The following COL6A6 variants were observed in gnomAD, a reference collection of about 807,000 sequenced individuals.
COL6A6 encodes the protein collagen type VI alpha 6 chain.
COL6A6 carries 183 observed loss-of-function variants against 208.6 expected under a neutral mutation model. That is an observed-to-expected ratio of 0.88 (90% CI 0.78 to 0.99). The LOEUF (loss-of-function observed/expected upper bound fraction) is 0.99, where lower values mean the gene tolerates loss of function less well. Among genes scored for constraint, COL6A6 ranks in the 50% least tolerant of loss-of-function variants. COL6A6 has a pLI of 0.00. For synonymous variants in COL6A6, 973 were observed against 1,011.8 expected (o/e 0.96, Z 0.73); for missense variants, 2,816 against 2,815.2 (o/e 1.00, Z -0.01).
rs768820015 is a variant in COL6A6, at chr3:130,649,298, A to G, written c.5469A>G (p.Gln1823=). 4.0e-5 allele frequency: 65 copies of G among 1,606,242 alleles called. No individual in the cohort carries two copies. The highest frequency in any genetic ancestry group is 5.3e-5 in the Non-Finnish European group (62 of 1,176,510). The change falls in exon 33 of 37, where the codon CAA becomes CAG. Residue 1823 remains glutamine (Q), a synonymous_variant. Coordinates refer to ENST00000358511, the MANE Select transcript of COL6A6 (RefSeq NM_001102608.3). The stretch of plus-strand genomic sequence containing the variant: ...TCTCAGACGCCTACAAGAAGAGTCA[A>G]CTTCTCAGAGAAATTGAAACTATTC... ...VRFSDAYKKS[Q]LLREIETIPY...
At chr3:130,605,055 G>A (rs1210300009) in intron 20 of COL6A6, among the ~76,000 whole-genome samples, 1 of 152,138 alleles carries the variant, frequency 6.6e-6, no homozygotes, top group African/African-American at 2.4e-5. Flanking sequence ...GACACAGATG[G>A]CCTTACTGCT....
At chr3:130,596,929 A>C (rs1287629950) in intron 18 of COL6A6, among the ~76,000 whole-genome samples, 1 of 152,226 alleles carries the variant, frequency 6.6e-6, no homozygotes, top group African/African-American at 2.4e-5. Context: ...TTTAATTGTA[A>C]ATTTGTGGAA....
chr3:130,663,710 A>G (rs1407814152), intron 35 of COL6A6, among the ~76,000 whole-genome samples: 5 of 152,168 alleles, frequency 3.3e-5, no homozygotes, highest in African/African-American at 4.8e-5. Context: ...ATTATTAGAT[A>G]AATGGCACCA....
intron 1 of COL6A6, among the ~76,000 whole-genome samples, chr3:130,548,360 G>A (rs1168504714): frequency 1.3e-5 from 2 of 152,278 alleles, no homozygotes. Flanking sequence ...TTTGGACTAT[G>A]AATTCCACAA....
intron 24 of COL6A6, among the ~76,000 whole-genome samples, chr3:130,625,368 A>G (rs2108289733): frequency 6.6e-6 from 1 of 152,280 alleles, no homozygotes; most frequent in South Asian, 2.1e-4. Flanking sequence ...CTTTCTTCCA[A>G]AGAGTACAGT....
Position 130,560,328 on chromosome 3 carries a change from T to G in COL6A6, c.-31-6T>G. ...CAACAATTTGTTTATATTTTTGCCT[T>G]TTCAGATTTGAAGTTGAAGATTTTT... is the stretch of plus-strand genomic sequence containing the variant. On this transcript the variant is annotated splice_polypyrimidine_tract_variant and splice_region_variant and intron_variant, in intron 1 of 36. Transcript: ENST00000358511. 2 of 1,569,042 alleles carry G rather than the reference T, an allele frequency of 1.3e-6. No homozygotes were observed. Among genetic ancestry groups the G allele is most frequent in the Admixed American group, 3.5e-5 (2 of 56,866 alleles).
Position 130,661,378 on chromosome 3 carries a change from C to T in COL6A6, c.5831-259C>T, listed in dbSNP as rs901842686. Among the ~76,000 whole-genome samples the T allele has an allele frequency of 2.0e-5, 3 of 152,136 alleles. No homozygotes were observed. The South Asian group carries it at 6.2e-4, about 32-fold the overall frequency. ...AACTTGAGACACAGCCAAGATTAAA[C>T]TTCTGTTGAAAACAGCCTAATCTTT... is the stretch of plus-strand genomic sequence containing the variant. On this transcript the variant is annotated intron_variant, in intron 34 of 36. Transcript: ENST00000358511.
At chr3:130,564,181 A>G (rs1207835922) in intron 3 of COL6A6, among the ~76,000 whole-genome samples, 1 of 152,250 alleles carries the variant, frequency 6.6e-6, no homozygotes, top group Non-Finnish European at 1.5e-5. Context: ...ACTTAAAGTC[A>G]GAGCTAACAG....
chr3:130,606,054 CA>C (rs1334695888), intron 20 of COL6A6, among the ~76,000 whole-genome samples: 1 of 152,188 alleles, frequency 6.6e-6, no homozygotes, highest in Non-Finnish European at 1.5e-5. Context: ...CAAACTATAT[CA>C]AATAGATTTT....
chr3:130,609,758 T>C (rs1295633135), intron 22 of COL6A6, among the ~76,000 whole-genome samples: 2 of 152,100 alleles, frequency 1.3e-5, no homozygotes, highest in African/African-American at 4.8e-5. Context: ...ATCCACATAG[T>C]TAAAAAAAGT....
chr3:130,528,887 C>A (rs1051934979), intron 1 of COL6A6, among the ~76,000 whole-genome samples: 1 of 152,124 alleles, frequency 6.6e-6, no homozygotes, highest in Non-Finnish European at 1.5e-5. Flanking sequence ...GTCGGAAGAT[C>A]GAAACCATCC....
intron 1 of COL6A6, among the ~76,000 whole-genome samples, chr3:130,548,552 T>G (rs974463924): frequency 6.6e-6 from 1 of 152,226 alleles, no homozygotes; most frequent in African/African-American, 2.4e-5. Context: ...TACTTTCCCC[T>G]GAGGGCAGTA....
At chr3:130,607,100 T>C (rs1465059316) in intron 21 of COL6A6, 134 bp downstream of exon 21, 1 of 621,666 alleles carries the variant, frequency 1.6e-6, no homozygotes, top group South Asian at 3.6e-5. Context: ...CTGAAAAAAT[T>C]TTAGGTTAAG....
chr3:130,554,449 G>T (rs2062721096), intron 1 of COL6A6, among the ~76,000 whole-genome samples: 1 of 152,186 alleles, frequency 6.6e-6, no homozygotes, highest in South Asian at 2.1e-4. Flanking sequence ...ACTGGCAGTG[G>T]TGTCAGTCTG....
chr3:130,594,583 T>G (rs2063800131), intron 18 of COL6A6, among the ~76,000 whole-genome samples: 1 of 152,234 alleles, frequency 6.6e-6, no homozygotes, highest in African/African-American at 2.4e-5. Flanking sequence ...ATACTCAGAA[T>G]TGTTTTTGTG....
intron 33 of COL6A6, 22 bp from the exon 34 acceptor site, chr3:130,658,654 C>A: frequency 6.4e-7 from 1 of 1,568,066 alleles, no homozygotes; most frequent in Non-Finnish European, 8.8e-7. Flanking sequence ...TAAGTTCTTT[C>A]TGCTGCTTCT....
chr3:130,658,595 G>A (rs1576413938), intron 33 of COL6A6, 81 bp from the exon 34 acceptor site: 2 of 868,318 alleles, frequency 2.3e-6, no homozygotes. Context: ...ACTCTCTCCA[G>A]ATGTCAGTTC....
rs1284815931 is a variant in COL6A6 at position 130,676,938 on chromosome 3, ACT to A, written c.*1544_*1545del. The A allele has an allele frequency of 1.3e-5, 2 of 152,228 alleles. No individual in the cohort carries two copies. The highest frequency in any genetic ancestry group is 2.4e-5 in the African/African-American group (1 of 41,454). 9.4% of individuals were successfully genotyped at this position (152,228 alleles called of 1,614,324 possible). ...TTAATAAAAGGGATTTTTCTAGTTA[ACT>A]CTGAGTTAAGCACGAACTCCTTTCT... On this transcript the variant is annotated 3_prime_UTR_variant, in exon 37 of 37. Transcript: ENST00000358511.
intron 36 of COL6A6, among the ~76,000 whole-genome samples, chr3:130,671,588 C>G (rs971893291): frequency 1.3e-5 from 2 of 152,184 alleles, no homozygotes; most frequent in African/African-American, 4.8e-5. Context: ...TTACCTGAGC[C>G]ATTCAAGAGA....
Sources: gnomAD v4.1 joint callset for allele counts (sites outside exome capture counted in the v4.1 genomes callset) on GRCh38, gnomAD v4.1.1 for gene constraint, MANE v1.5 for transcripts, NCBI Gene and HGNC (gene_info 2026-07-23, HGNC 2026-07-21) for gene names.